Variants in MBD5 observed in about 807,000 individuals in gnomAD.
MBD5 encodes methyl-CpG binding domain protein 5.
Under a neutral mutation model 117.3 loss-of-function variants are expected in MBD5, and 13 were observed. The ratio of observed to expected loss-of-function variants is 0.11; its 90% confidence interval spans 0.07 to 0.18. The LOEUF (loss-of-function observed/expected upper bound fraction) is 0.18. MBD5 is among the 10% of genes least tolerant of loss of function. The pLI is 1.00. For synonymous variants in MBD5, 727 were observed against 766.4 expected (o/e 0.95, Z 0.85); for missense variants, 1,879 against 2,093.8 (o/e 0.90, Z 2.00).
chr2:148,368,064 T>G (rs2105347786), intron 4 of MBD5, among the ~76,000 whole-genome samples: 1 of 152,240 alleles, frequency 6.6e-6, no homozygotes, highest in Non-Finnish European at 1.5e-5. Flanking sequence ...TGGCAAAGAC[T>G]TGGAACCACT....
At chr2:148,169,506 C>T (rs1698206233) in intron 1 of MBD5, among the ~76,000 whole-genome samples, 1 of 152,212 alleles carries the variant, frequency 6.6e-6, no homozygotes, top group Admixed American at 6.5e-5. Flanking sequence ...ACAAAAATCA[C>T]TCACTGGTCT....
At chr2:148,373,630 A>C (rs1703914217) in intron 4 of MBD5, among the ~76,000 whole-genome samples, 1 of 127,268 alleles carries the variant, frequency 7.9e-6, no homozygotes, top group African/African-American at 2.8e-5. Flanking sequence ...TGATGAATTT[A>C]ATATAAATTT....
intron 2 of MBD5, among the ~76,000 whole-genome samples, chr2:148,221,652 A>G (rs747752361): frequency 1.3e-5 from 2 of 151,956 alleles, no homozygotes; most frequent in Non-Finnish European, 2.9e-5. Context: ...TGTATATTCT[A>G]GTTATTAACC....
intron 4 of MBD5, among the ~76,000 whole-genome samples, chr2:148,356,843 CT>C (rs1323876054): frequency 1.3e-5 from 2 of 152,232 alleles, no homozygotes; most frequent in African/African-American, 4.8e-5. Context: ...TGAGACTCCC[CT>C]TTCCTGATCT....
intron 2 of MBD5, among the ~76,000 whole-genome samples, chr2:148,217,925 C>G (rs1461284728): frequency 2.6e-5 from 4 of 152,032 alleles, no homozygotes; most frequent in Admixed American, 6.6e-5. Flanking sequence ...GTACTGATGG[C>G]CAGGCTTCCA....
intron 1 of MBD5, among the ~76,000 whole-genome samples, chr2:148,169,990 C>T (rs1331351988): frequency 3.9e-5 from 6 of 151,906 alleles, no homozygotes; most frequent in Middle Eastern, 3.2e-3. Flanking sequence ...CTCCGCCTCC[C>T]GGGTTCACGC....
chr2:148,486,692 C>T (rs1162558358), intron 10 of MBD5, among the ~76,000 whole-genome samples: 2 of 152,086 alleles, frequency 1.3e-5, no homozygotes, highest in African/African-American at 4.8e-5. Flanking sequence ...TATGAACAGA[C>T]AATTCACAGA....
intron 1 of MBD5, among the ~76,000 whole-genome samples, chr2:148,035,364 T>A (rs1001156451): frequency 4.6e-5 from 7 of 152,102 alleles, no homozygotes; most frequent in Admixed American, 2.0e-4. Flanking sequence ...GCGTTAAAAA[T>A]TTTTTCTTTT....
At chr2:148,074,483 TG>T (rs371275585) in intron 1 of MBD5, among the ~76,000 whole-genome samples, 36 of 140,846 alleles carry the variant, frequency 2.6e-4, no homozygotes, top group Admixed American at 5.1e-4. Context: ...AGGAATAGTT[TG>T]TTTTTTTTTT....
chr2:148,142,732 A>T (rs532795467), intron 1 of MBD5, among the ~76,000 whole-genome samples: 1 of 152,214 alleles, frequency 6.6e-6, no homozygotes. Context: ...GTACCCTAAC[A>T]ACAGAGCCTT....
chr2:148,203,618 G>A (rs974925884), intron 2 of MBD5, among the ~76,000 whole-genome samples: 2 of 152,130 alleles, frequency 1.3e-5, no homozygotes, highest in Admixed American at 6.5e-5. Context: ...CATTATTGTT[G>A]CAATTTTGCA....
chr2:148,142,976 CCATT>C (rs1697354505), intron 1 of MBD5, among the ~76,000 whole-genome samples: 2 of 152,074 alleles, frequency 1.3e-5, no homozygotes, highest in Admixed American at 1.3e-4. Context: ...CAGACATTGA[CCATT>C]CATTTAACCC....
chr2:148,489,431 A>T lies in MBD5; in HGVS notation c.3799A>T (p.Thr1267Ser), dbSNP rs760122605. Residue 1267 changes from threonine to serine, a missense_variant, in exon 11 of 14, where the codon ACT (threonine) becomes TCT (serine). By Grantham distance (58) the Thr-to-Ser change is moderately conservative. Around this residue, in one of 4 missense-constraint regions of MBD5, gnomAD observed 1,666 missense variants for 1,792.2 expected, o/e 0.93. Transcript: ENST00000642680. ...DAALLNKRIS[T>S]QPGLTALPEN... Reference sequence around the variant, plus strand: ...AGCTCTCCTAAACAAAAGAATAAGCACTCAGCCTGGGCTCACAGCACTTCC... The same window carrying T: ...AGCTCTCCTAAACAAAAGAATAAGCTCTCAGCCTGGGCTCACAGCACTTCC... 6.2e-7 allele frequency: 1 copy of T among 1,614,150 alleles called. No homozygotes were observed. Among genetic ancestry groups the T allele is most frequent in the Admixed American group, 1.7e-5 (1 of 60,024 alleles).
Position 148,481,688 on chromosome 2 carries a change from C to T in MBD5, c.2519-1422C>T, listed in dbSNP as rs184864030. ...TAGATGTGGTTTTCACCCTATCTAC[C>T]TCACCCCTTGTGCATCTGGATCACC... On this transcript the variant is annotated intron_variant, in intron 8 of 13. Transcript: ENST00000642680. 51 of 152,072 alleles carry T rather than the reference C, an allele frequency of 3.4e-4. No individual in the cohort carries two copies. The East Asian group carries it at 9.3e-3, about 28-fold the overall frequency. The allele number at this position is 152,072 out of a possible 1,614,324, so 9.4% of individuals were successfully genotyped here.
intron 7 of MBD5, among the ~76,000 whole-genome samples, chr2:148,466,879 T>G (rs1707280550): frequency 6.6e-6 from 1 of 152,208 alleles, no homozygotes; most frequent in Non-Finnish European, 1.5e-5. Context: ...GACCCCAGGT[T>G]GAGATCCACT....
chr2:148,506,668 A>C (rs1342579136), intron 12 of MBD5, among the ~76,000 whole-genome samples: 2 of 152,336 alleles, frequency 1.3e-5, no homozygotes, highest in East Asian at 3.9e-4. Flanking sequence ...AGATAAAGAT[A>C]ATGTGTGACA....
At chr2:148,231,283 T>A (rs1331283479) in intron 2 of MBD5, among the ~76,000 whole-genome samples, 1 of 152,128 alleles carries the variant, frequency 6.6e-6, no homozygotes, top group Non-Finnish European at 1.5e-5. Flanking sequence ...AATGCTCCTT[T>A]TTTGGGTGGA....
chr2:148,283,575 AC>A (rs1174522570), intron 3 of MBD5, among the ~76,000 whole-genome samples: 5 of 152,194 alleles, frequency 3.3e-5, no homozygotes, highest in African/African-American at 4.8e-5. Context: ...ATTATTACAT[AC>A]CTGTAGTGGA....
At chr2:148,040,990 T>C (rs1286787938) in intron 1 of MBD5, among the ~76,000 whole-genome samples, 1 of 152,092 alleles carries the variant, frequency 6.6e-6, no homozygotes, top group Non-Finnish European at 1.5e-5. Flanking sequence ...TGAGTCAAGA[T>C]CTAGCTCTGT....
Sources: gnomAD v4.1 joint callset for allele counts (sites outside exome capture counted in the v4.1 genomes callset) on GRCh38, gnomAD v4.1.1 for gene constraint, gnomAD v4.1.1 regional missense constraint, MANE v1.5 for transcripts, NCBI Gene and HGNC (gene_info 2026-07-23, HGNC 2026-07-21) for gene names.